Variants in NARS2 observed in about 807,000 individuals in gnomAD.
The protein encoded by NARS2 is asparaginyl-tRNA synthetase 2, mitochondrial.
NARS2 carries 60 observed loss-of-function variants against 62.9 expected under a neutral mutation model. That is an observed-to-expected ratio of 0.95 (90% CI 0.77 to 1.18). The LOEUF (loss-of-function observed/expected upper bound fraction) is 1.18, where lower values mean the gene tolerates loss of function less well. Ranked by LOEUF, NARS2 falls within the 50% of genes most tolerant of loss-of-function variation. The pLI is 0.00. For missense variants in NARS2, 619 were observed against 576.4 expected (o/e 1.07, Z -0.76); for synonymous variants, 196 against 200.0 (o/e 0.98, Z 0.17).
chr11:78,504,419 T>C (rs1860404924), intron 6 of NARS2, among the ~76,000 whole-genome samples: 4 of 144,538 alleles, frequency 2.8e-5, no homozygotes, highest in Admixed American at 7.2e-5. Context: ...ACCTGTTTCA[T>C]GTGGCAAAAC....
At chr11:78,485,396 GT>G (rs1195536538) in intron 7 of NARS2, among the ~76,000 whole-genome samples, 1 of 149,552 alleles carries the variant, frequency 6.7e-6, no homozygotes, top group Non-Finnish European at 1.5e-5. Flanking sequence ...AGAACTTAAA[GT>G]AAAAAAAAAC....
Position 78,436,761 on chromosome 11 carries a change from C to A in NARS2, c.1343G>T (p.Gly448Val). ...GSVPHGGFGM[G>V]FERYLQCILG... ...GATGCACTGCAGGTAGCGTTCAAATCCCATCCCAAAACCTCCATGTGGCAC... is the reference window on the plus strand; with the variant it reads ...GATGCACTGCAGGTAGCGTTCAAATACCATCCCAAAACCTCCATGTGGCAC... Residue 448 changes from glycine (G) to valine (V), a missense_variant, in exon 14 of 14, where the codon GGA becomes GTA. Coordinates refer to ENST00000281038, the MANE Select transcript of NARS2 (RefSeq NM_024678.6). 1 of 1,614,186 alleles carries A rather than the reference C, an allele frequency of 6.2e-7. No homozygotes were observed. Among genetic ancestry groups the A allele is most frequent in the Non-Finnish European group, 8.5e-7 (1 of 1,180,026 alleles).
chr11:78,478,086 G>GT (rs760217068), intron 9 of NARS2, among the ~76,000 whole-genome samples: 1 of 152,002 alleles, frequency 6.6e-6, no homozygotes, highest in Non-Finnish European at 1.5e-5. Context: ...CACTGAGCAT[G>GT]GTTTTTACAG....
At chr11:78,536,905 A>G (rs1265286307) in intron 5 of NARS2, among the ~76,000 whole-genome samples, 1 of 152,196 alleles carries the variant, frequency 6.6e-6, no homozygotes, top group African/African-American at 2.4e-5. Flanking sequence ...TTAAAAGAAA[A>G]AAACCTTTTA....
chr11:78,543,131 T>C (rs1318668078), intron 5 of NARS2, among the ~76,000 whole-genome samples: 1 of 152,044 alleles, frequency 6.6e-6, no homozygotes, highest in African/African-American at 2.4e-5. Flanking sequence ...TGGGCTGAGA[T>C]GGTGCCACTG....
chr11:78,448,760 A>G (rs1205386799), intron 11 of NARS2, among the ~76,000 whole-genome samples: 1 of 152,218 alleles, frequency 6.6e-6, no homozygotes. Context: ...GATGAGGAAG[A>G]TGAGGCAATC....
In NARS2 at chr11:78,574,821, A is replaced by C; in HGVS notation, c.-333T>G. On this transcript the variant is annotated 5_prime_UTR_variant, in exon 1 of 14. Transcript: ENST00000281038. ...AACCCGGGCCGCAACACGCGCAACC[A>C]CTCCTACCACACCACGCCAACGCCG... 7.0e-6 allele frequency: 2 copies of C among 285,740 alleles called. No homozygotes were observed. The highest frequency in any genetic ancestry group is 5.5e-5 in the South Asian group (1 of 18,108). The allele number at this position is 285,740 out of a possible 1,614,324, so 17.7% of individuals were successfully genotyped here.
intron 6 of NARS2, among the ~76,000 whole-genome samples, chr11:78,504,531 A>G (rs1422942289): frequency 1.3e-5 from 2 of 152,028 alleles, no homozygotes; most frequent in African/African-American, 4.8e-5. Context: ...CTAGCAACGA[A>G]TACATGTGAC....
intron 1 of NARS2, among the ~76,000 whole-genome samples, 193 bp downstream of exon 1, chr11:78,574,155 C>T (rs1242423453): frequency 6.6e-6 from 1 of 152,196 alleles, no homozygotes; most frequent in African/African-American, 2.4e-5. Flanking sequence ...AAAGTTCCAG[C>T]GCTTTACAGT....
chr11:78,507,399 A>G (rs1860543029), intron 6 of NARS2, among the ~76,000 whole-genome samples: 1 of 152,148 alleles, frequency 6.6e-6, no homozygotes, highest in African/African-American at 2.4e-5. Flanking sequence ...ACAGCCTTCA[A>G]CAATTTAAAA....
chr11:78,567,001 C>T (rs1046969682), intron 3 of NARS2, among the ~76,000 whole-genome samples: 6 of 152,038 alleles, frequency 3.9e-5, no homozygotes, highest in Non-Finnish European at 8.8e-5. Context: ...ACTTTTATGT[C>T]GTATAGAAAC....
At position 78,443,714 on chromosome 11, in the gene NARS2, A is replaced by G. The variant is rs143460012; in HGVS notation, c.1209T>C (p.Phe403=). 82 of 1,613,916 alleles carry G rather than the reference A, an allele frequency of 5.1e-5. 1 individual carries two copies. Among genetic ancestry groups the G allele is most frequent in the Middle Eastern group, 3.3e-4 (2 of 6,082 alleles). The change falls in exon 12 of 14, where the codon TTT becomes TTC. Residue 403 remains phenylalanine, a synonymous_variant. Transcript: ENST00000281038. ...DLLVPGVGEL[F]GGGLREERYH... is the part of the protein sequence containing the mutation. ...ATCGTTCTTCTCTGAGGCCTCCTCC[A>G]AAGAGTTCCCCAACTCCAGGAACCA...
rs1170755099 is a variant in NARS2 at position 78,493,347 on chromosome 11, T to C, written c.690-152A>G. ...TATTTGCTGCTACATATTTCTCTAA[T>C]AGGTGATAATAACAGTTTCATTAAA... On this transcript the variant is annotated intron_variant, in intron 6 of 13. Transcript: ENST00000281038. 1.8e-4 allele frequency: 128 copies of C among 704,878 alleles called. No homozygotes were observed. The South Asian group carries it at 2.1e-3, about 12-fold the overall frequency. 43.7% of individuals were successfully genotyped at this position (704,878 alleles called of 1,614,324 possible).
chr11:78,542,353 G>A (rs541939899), intron 5 of NARS2, among the ~76,000 whole-genome samples: 1 of 152,272 alleles, frequency 6.6e-6, no homozygotes, highest in Non-Finnish European at 1.5e-5. Flanking sequence ...TTCTTTTACA[G>A]GAGATAAACA....
At chr11:78,454,801 G>C (rs1334308358) in intron 11 of NARS2, among the ~76,000 whole-genome samples, 1 of 151,982 alleles carries the variant, frequency 6.6e-6, no homozygotes, top group Non-Finnish European at 1.5e-5. Flanking sequence ...CGTATTTTTA[G>C]TAGAGACAGG....
chr11:78,564,159 C>T (rs1268830620), intron 4 of NARS2, among the ~76,000 whole-genome samples: 3 of 151,424 alleles, frequency 2.0e-5, no homozygotes, highest in Admixed American at 2.0e-4. Flanking sequence ...CTTGGCCTCC[C>T]AAAGTGCTAG....
At chr11:78,536,200 T>C (rs1257369360) in intron 5 of NARS2, among the ~76,000 whole-genome samples, 6 of 152,228 alleles carry the variant, frequency 3.9e-5, no homozygotes, top group Admixed American at 6.5e-5. Context: ...ACAAACCTAC[T>C]GCACTTCCAG....
intron 9 of NARS2, 149 bp from the exon 10 acceptor site, chr11:78,469,462 A>AGTC: frequency 8.2e-6 from 5 of 609,962 alleles, no homozygotes; most frequent in Non-Finnish European, 1.5e-5. Context: ...CTATGAAAGA[A>AGTC]TGATCTGCCT....
Position 78,568,659 on chromosome 11 carries a change from A to G in NARS2, c.345T>C (p.Ile115=). ...TGGCATCACAATTTCCAATAACTTT[A>G]ATTTTTTCTGCCTTCAGTTCCACAT... ...RQNVELKAEK[I]KVIGNCDAKD... Residue 115 remains isoleucine (I), a synonymous_variant, in exon 3 of 14, where the codon ATT becomes ATC. Transcript: ENST00000281038. 6.2e-7 allele frequency: 1 copy of G among 1,612,998 alleles called. No homozygotes were observed. The highest frequency in any genetic ancestry group is 8.5e-7 in the Non-Finnish European group (1 of 1,179,350).
Sources: allele counts gnomAD v4.1 joint callset (sites outside exome capture counted in the v4.1 genomes callset), GRCh38; gene constraint gnomAD v4.1.1; transcripts MANE v1.5; gene names NCBI Gene and HGNC (gene_info 2026-07-23, HGNC 2026-07-21).